The following NPAS3 variants were observed in gnomAD, a reference collection of about 807,000 sequenced individuals.
NPAS3 encodes the protein neuronal PAS domain-containing protein 3.
NPAS3 carries 14 observed loss-of-function variants against 73.1 expected under a neutral mutation model. That is an observed-to-expected ratio of 0.19 (90% CI 0.13 to 0.30). NPAS3 has a LOEUF of 0.30. NPAS3 is among the 10% of genes least tolerant of loss of function. NPAS3 has a pLI of 1.00. For missense variants in NPAS3, 1,096 were observed against 1,250.0 expected, an observed-to-expected ratio of 0.88 and a Z score of 1.86; for synonymous variants, 620 against 541.5, an observed-to-expected ratio of 1.14 and a Z score of -2.01.
At chr14:33,306,809 TG>T (rs2042771295) in intron 3 of NPAS3, among the ~76,000 whole-genome samples, 2 of 152,312 alleles carry the variant, frequency 1.3e-5, no homozygotes, top group South Asian at 4.1e-4. Context: ...AATTTGTGTT[TG>T]CCCCTCATTC....
At chr14:33,167,516 T>C (rs924353887) in intron 2 of NPAS3, among the ~76,000 whole-genome samples, 3 of 152,224 alleles carry the variant, frequency 2.0e-5, no homozygotes, top group African/African-American at 7.2e-5. Context: ...ATTTGTGCTG[T>C]TGAAATCTGA....
At chr14:33,553,695 G>C (rs1324410436) in intron 4 of NPAS3, among the ~76,000 whole-genome samples, 1 of 152,266 alleles carries the variant, frequency 6.6e-6, no homozygotes, top group South Asian at 2.1e-4. Flanking sequence ...CTAAACCTTT[G>C]ATGTGTGTGC....
intron 2 of NPAS3, among the ~76,000 whole-genome samples, chr14:33,158,334 T>C (rs934926629): frequency 1.3e-5 from 2 of 152,348 alleles, no homozygotes; most frequent in Middle Eastern, 3.4e-3. Flanking sequence ...CCACATGATT[T>C]TGATACATGC....
chr14:33,372,044 A>G (rs2046112415), intron 4 of NPAS3, among the ~76,000 whole-genome samples: 1 of 152,188 alleles, frequency 6.6e-6, no homozygotes, highest in African/African-American at 2.4e-5. Context: ...TTAAAAGACA[A>G]TGGTAATAAG....
intron 3 of NPAS3, among the ~76,000 whole-genome samples, chr14:33,328,099 G>T (rs1285021940): frequency 1.3e-5 from 2 of 151,942 alleles, no homozygotes; most frequent in African/African-American, 2.4e-5. Context: ...AAGTGTAATG[G>T]GCATAAAAAG....
intron 1 of NPAS3, among the ~76,000 whole-genome samples, chr14:32,991,009 ACT>A (rs2038312637): frequency 6.6e-6 from 1 of 152,004 alleles, no homozygotes; most frequent in South Asian, 2.1e-4. Context: ...GAAGTGTATT[ACT>A]GGAGGCTTAT....
intron 3 of NPAS3, among the ~76,000 whole-genome samples, chr14:33,274,568 A>G (rs1166363026): frequency 1.3e-5 from 2 of 151,990 alleles, no homozygotes; most frequent in African/African-American, 2.4e-5. Context: ...CCCTTCTCAT[A>G]TGCATTATTC....
intron 5 of NPAS3, among the ~76,000 whole-genome samples, chr14:33,666,370 G>A (rs1297474447): frequency 6.6e-6 from 1 of 152,212 alleles, no homozygotes; most frequent in Non-Finnish European, 1.5e-5. Context: ...CAGAATGGGA[G>A]TTACTGTCCC....
At chr14:33,068,678 G>T (rs1050631455) in intron 2 of NPAS3, among the ~76,000 whole-genome samples, 1 of 152,172 alleles carries the variant, frequency 6.6e-6, no homozygotes, top group Non-Finnish European at 1.5e-5. Flanking sequence ...AGGAGTCCTG[G>T]GGTAGAAGTG....
intron 3 of NPAS3, among the ~76,000 whole-genome samples, chr14:33,280,763 A>G (rs2041567059): frequency 1.3e-5 from 2 of 152,170 alleles, no homozygotes; most frequent in African/African-American, 2.4e-5. Flanking sequence ...TTAAACTACA[A>G]AAGATAACTA....
intron 3 of NPAS3, among the ~76,000 whole-genome samples, chr14:33,257,279 C>T (rs189848908): frequency 1.3e-5 from 2 of 152,288 alleles, no homozygotes; most frequent in East Asian, 3.9e-4. Flanking sequence ...CTCTTTTCCT[C>T]AGGCTTAGGG....
chr14:33,662,412 G>A (rs1016086580), intron 5 of NPAS3, among the ~76,000 whole-genome samples: 2 of 152,222 alleles, frequency 1.3e-5, no homozygotes, highest in African/African-American at 4.8e-5. Context: ...TTGGGAGAAG[G>A]AAGAAGCTAG....
intron 3 of NPAS3, among the ~76,000 whole-genome samples, chr14:33,355,550 G>A (rs994550059): frequency 2.6e-5 from 4 of 152,018 alleles, no homozygotes; most frequent in Non-Finnish European, 5.9e-5. Context: ...CGCCTGCCTC[G>A]GCCTCCCAAA....
intron 2 of NPAS3, among the ~76,000 whole-genome samples, chr14:33,113,618 G>A (rs1270606365): frequency 6.6e-6 from 1 of 152,122 alleles, no homozygotes; most frequent in African/African-American, 2.4e-5. Context: ...TGCAAACAGG[G>A]ACAATTTGAC....
At chr14:33,012,191 C>G (rs1277462971) in intron 1 of NPAS3, among the ~76,000 whole-genome samples, 1 of 152,182 alleles carries the variant, frequency 6.6e-6, no homozygotes, top group African/African-American at 2.4e-5. Context: ...ACTAATGATA[C>G]AGGAGCACTG....
At chr14:33,328,084 T>C (rs941017768) in intron 3 of NPAS3, among the ~76,000 whole-genome samples, 3 of 152,198 alleles carry the variant, frequency 2.0e-5, no homozygotes, top group African/African-American at 7.2e-5. Context: ...ATGGATGTAT[T>C]TGAAAAGTGT....
intron 3 of NPAS3, among the ~76,000 whole-genome samples, chr14:33,306,525 A>G (rs2042761075): frequency 6.6e-6 from 1 of 152,188 alleles, no homozygotes; most frequent in Non-Finnish European, 1.5e-5. Flanking sequence ...ATTTAAATTA[A>G]AATTGGCTTA....
intron 10 of NPAS3, among the ~76,000 whole-genome samples, chr14:33,794,587 T>C (rs1425748127): frequency 1.3e-5 from 2 of 149,174 alleles, no homozygotes; most frequent in Non-Finnish European, 3.0e-5. Flanking sequence ...AATCAAACAA[T>C]AGCGGTGTAA....
intron 3 of NPAS3, among the ~76,000 whole-genome samples, chr14:33,238,888 C>T: frequency 6.6e-6 from 1 of 151,892 alleles, no homozygotes; most frequent in Non-Finnish European, 1.5e-5. Context: ...TCAGCTGAAA[C>T]TAATATGTGT....
Sources: allele counts gnomAD v4.1 joint callset (sites outside exome capture counted in the v4.1 genomes callset), GRCh38; gene constraint gnomAD v4.1.1; transcripts MANE v1.5; gene names NCBI Gene and HGNC (gene_info 2026-07-23, HGNC 2026-07-21).